Variants in KIAA1549L observed in about 807,000 individuals in gnomAD.
The protein encoded by KIAA1549L is KIAA1549 like.
A neutral mutation model predicts 160.7 loss-of-function variants in KIAA1549L; 88 were observed. That is an observed-to-expected ratio of 0.55 (90% CI 0.46 to 0.65). The LOEUF (loss-of-function observed/expected upper bound fraction) is 0.65, where lower values mean the gene tolerates loss of function less well. Among genes scored for constraint, KIAA1549L ranks in the 30% least tolerant of loss-of-function variants. KIAA1549L has a pLI of 0.00. For synonymous variants in KIAA1549L, 950 were observed against 976.7 expected (o/e 0.97, Z 0.51); for missense variants, 2,258 against 2,437.5 (o/e 0.93, Z 1.55).
At chr11:33,550,937 C>T in intron 4 of KIAA1549L, 103 bp from the exon 5 acceptor site, 1 of 913,082 alleles carries the variant, frequency 1.1e-6, no homozygotes, top group Non-Finnish European at 1.8e-6. Flanking sequence ...ACATTCTATT[C>T]TCCAGTCTTG....
At chr11:33,552,368 T>C in intron 6 of KIAA1549L, 127 bp downstream of exon 6, 1 of 1,006,130 alleles carries the variant, frequency 9.9e-7, no homozygotes, top group Non-Finnish European at 1.5e-6. Context: ...CTTCAGACAT[T>C]GGTGAGGATG....
At chr11:33,649,997 G>A (rs969398740) in intron 17 of KIAA1549L, among the ~76,000 whole-genome samples, 2 of 152,114 alleles carry the variant, frequency 1.3e-5, no homozygotes, top group Non-Finnish European at 2.9e-5. Context: ...GTTATTCTGG[G>A]GCTCCTTCCA....
rs1319119396 is a variant in KIAA1549L, at chr11:33,671,922, G to A, written c.*3768G>A. ...ATCCAAATACTCTTAAGGAAAGAGTGTCATTTAGCTTGGAGTAGGGACTGA... is the reference window on the plus strand; with the variant it reads ...ATCCAAATACTCTTAAGGAAAGAGTATCATTTAGCTTGGAGTAGGGACTGA... On this transcript the variant is annotated 3_prime_UTR_variant, in exon 21 of 21. Coordinates refer to ENST00000658780, the MANE Select transcript of KIAA1549L (RefSeq NM_012194.3). 1 of 152,170 alleles carries A rather than the reference G, an allele frequency of 6.6e-6. No individual in the cohort carries two copies. The highest frequency in any genetic ancestry group is 1.5e-5 in the Non-Finnish European group (1 of 68,036). The allele number at this position is 152,170 out of a possible 1,614,324, so 9.4% of individuals were successfully genotyped here.
intron 11 of KIAA1549L, among the ~76,000 whole-genome samples, chr11:33,584,159 G>C (rs1437464227): frequency 6.6e-6 from 1 of 152,326 alleles, no homozygotes; most frequent in Non-Finnish European, 1.5e-5. Context: ...GACCATCCTG[G>C]CACCTTGATC....
At position 33,602,792 on chromosome 11, in the gene KIAA1549L, T is replaced by A. The variant is rs542261141; in HGVS notation, c.4879+3845T>A. ...CATTTTGAAGCATTAATATTTAATG[T>A]CTTTTAATATATTTGCCTATAAAGT... On this transcript the variant is annotated intron_variant, in intron 13 of 20. Transcript: ENST00000658780. Among the ~76,000 whole-genome samples the A allele has an allele frequency of 2.0e-5, 3 of 152,348 alleles. No individual in the cohort carries two copies. In the South Asian group the frequency reaches 6.2e-4, roughly 32 times the overall value.
intron 1 of KIAA1549L, among the ~76,000 whole-genome samples, chr11:33,476,618 C>T (rs1378185026): frequency 2.0e-5 from 3 of 152,212 alleles, no homozygotes; most frequent in Non-Finnish European, 4.4e-5. Context: ...AGCTCCTACA[C>T]TTCAGCTGCT....
intron 11 of KIAA1549L, among the ~76,000 whole-genome samples, chr11:33,589,576 C>T (rs1158938038): frequency 6.6e-6 from 1 of 152,160 alleles, no homozygotes. Context: ...GAATACTATG[C>T]AGCCATAAAA....
chr11:33,440,732 C>G (rs981940829), intron 1 of KIAA1549L, among the ~76,000 whole-genome samples: 5 of 152,184 alleles, frequency 3.3e-5, no homozygotes, highest in Admixed American at 3.3e-4. Flanking sequence ...TTACATATTC[C>G]TTCGGGCATC....
chr11:33,594,082 G>T (rs923516103), intron 12 of KIAA1549L, among the ~76,000 whole-genome samples: 1 of 152,070 alleles, frequency 6.6e-6, no homozygotes, highest in Non-Finnish European at 1.5e-5. Flanking sequence ...GCCAAGAGAA[G>T]GAAGTAATTT....
intron 1 of KIAA1549L, among the ~76,000 whole-genome samples, chr11:33,483,375 G>A (rs1056340592): frequency 6.6e-6 from 1 of 152,178 alleles, no homozygotes; most frequent in Non-Finnish European, 1.5e-5. Flanking sequence ...GCAGAATGAT[G>A]TTGGGAAGTG....
intron 1 of KIAA1549L, among the ~76,000 whole-genome samples, chr11:33,527,976 T>G (rs565153547): frequency 6.6e-6 from 1 of 152,294 alleles, no homozygotes; most frequent in Admixed American, 6.5e-5. Context: ...CTCATGATAG[T>G]GAATAAGTCT....
At chr11:33,614,549 TATATATATATATATATATATATATA>T (rs1850736877) in intron 15 of KIAA1549L, among the ~76,000 whole-genome samples, 5 of 11,302 alleles carry the variant, frequency 4.4e-4, no homozygotes, top group Non-Finnish European at 8.9e-4. Flanking sequence ...TATATATATA[TATATATATATATATATATATATATA>T]TATATATATA....
intron 1 of KIAA1549L, among the ~76,000 whole-genome samples, chr11:33,538,578 C>T (rs1402769286): frequency 6.6e-6 from 1 of 152,156 alleles, no homozygotes; most frequent in East Asian, 1.9e-4. Context: ...TGAAAATCAA[C>T]TAATTTTTAA....
At chr11:33,632,161 A>G (rs1476653486) in intron 16 of KIAA1549L, among the ~76,000 whole-genome samples, 1 of 152,234 alleles carries the variant, frequency 6.6e-6, no homozygotes, top group Non-Finnish European at 1.5e-5. Context: ...CGGTAAATCC[A>G]GGCATGGTTT....
intron 1 of KIAA1549L, among the ~76,000 whole-genome samples, chr11:33,407,631 G>C (rs1275336141): frequency 6.6e-6 from 1 of 152,138 alleles, no homozygotes; most frequent in East Asian, 1.9e-4. Flanking sequence ...TTATAGGCCT[G>C]AGCCACCGTG....
intron 1 of KIAA1549L, among the ~76,000 whole-genome samples, chr11:33,461,604 G>A (rs1334075315): frequency 6.6e-6 from 1 of 152,186 alleles, no homozygotes; most frequent in Non-Finnish European, 1.5e-5. Context: ...CACCTGTGCA[G>A]CCTTTTCTCC....
At chr11:33,512,850 C>T (rs534228714) in intron 1 of KIAA1549L, among the ~76,000 whole-genome samples, 7 of 152,310 alleles carry the variant, frequency 4.6e-5, no homozygotes, top group East Asian at 3.9e-4. Flanking sequence ...CCCAAGGTTA[C>T]ACAGCAAATA....
At chr11:33,635,112 A>G (rs952384450) in intron 16 of KIAA1549L, among the ~76,000 whole-genome samples, 2 of 152,136 alleles carry the variant, frequency 1.3e-5, no homozygotes, top group Non-Finnish European at 1.5e-5. Context: ...CTCCTGTACC[A>G]TCATGGTCTT....
intron 11 of KIAA1549L, among the ~76,000 whole-genome samples, chr11:33,585,387 G>A (rs138926488): frequency 0.024 from 3,577 of 152,088 alleles, 133 homozygotes; most frequent in African/African-American, 0.081. Flanking sequence ...GTGTGGTGGC[G>A]CACACCTGTA....
Sources: gnomAD v4.1 joint callset for allele counts (sites outside exome capture counted in the v4.1 genomes callset) on GRCh38, gnomAD v4.1.1 for gene constraint, MANE v1.5 for transcripts, NCBI Gene and HGNC (gene_info 2026-07-23, HGNC 2026-07-21) for gene names.